The following ANO2 variants were observed in gnomAD, a reference collection of about 807,000 sequenced individuals.
ANO2 encodes the protein anoctamin 2, also known as anoctamin-2.
Under a neutral mutation model 124.2 loss-of-function variants are expected in ANO2, and 101 were observed. That is an observed-to-expected ratio of 0.81 (90% CI 0.69 to 0.96). The LOEUF is 0.96. Among genes scored for constraint, ANO2 ranks in the 40% least tolerant of loss-of-function variants. The pLI, the probability that ANO2 is intolerant of heterozygous loss-of-function variation, is 0.00. For synonymous variants in ANO2, 486 were observed against 482.5 expected, an observed-to-expected ratio of 1.01 and a Z score of -0.09; for missense variants, 1,293 against 1,274.5, an observed-to-expected ratio of 1.01 and a Z score of -0.22.
chr12:5,655,011 G>T (rs1177024715), intron 14 of ANO2, among the ~76,000 whole-genome samples: 2 of 152,096 alleles, frequency 1.3e-5, no homozygotes, highest in Non-Finnish European at 2.9e-5. Context: ...CCCCGTTGCT[G>T]CCTGGCCATA....
chr12:5,832,202 T>C lies in ANO2; in HGVS notation c.785+250A>G, dbSNP rs536340705. Among the ~76,000 whole-genome samples, 19 of 152,338 alleles carry C rather than the reference T, an allele frequency of 1.2e-4. 1 individual carries two copies. In the South Asian group the frequency reaches 3.5e-3, roughly 28 times the overall value. ...TGGCTGCTCCCTGGTTTGCCCTCCA[T>C]CCTGCAAAATGGTGAAATGGTGGAT... On this transcript the variant is annotated intron_variant, in intron 5 of 24. Coordinates refer to ENST00000682330, the MANE Select transcript of ANO2 (RefSeq NM_001364791.2).
At chr12:5,609,993 TTATA>T (rs1591726688) in intron 19 of ANO2, among the ~76,000 whole-genome samples, 1 of 141,082 alleles carries the variant, frequency 7.1e-6, no homozygotes, top group Admixed American at 7.2e-5. Flanking sequence ...ATTTATATAT[TTATA>T]TATAAGTATA....
chr12:5,818,458 T>G (rs1401182120), intron 7 of ANO2, among the ~76,000 whole-genome samples: 1 of 9,034 alleles, frequency 1.1e-4, no homozygotes, highest in African/African-American at 2.5e-4. Context: ...TATATATATA[T>G]ATATATATAT....
At chr12:5,795,445 C>A (rs1231349952) in intron 10 of ANO2, among the ~76,000 whole-genome samples, 3 of 152,174 alleles carry the variant, frequency 2.0e-5, no homozygotes, top group Non-Finnish European at 4.4e-5. Context: ...ACCATTACCC[C>A]TCTTCAGACT....
At chr12:5,659,779 G>T (rs767719902) in intron 14 of ANO2, among the ~76,000 whole-genome samples, 1 of 151,636 alleles carries the variant, frequency 6.6e-6, no homozygotes, top group Non-Finnish European at 1.5e-5. Flanking sequence ...TCGCTGCCTC[G>T]TCCTCCCTGG....
intron 3 of ANO2, among the ~76,000 whole-genome samples, chr12:5,917,558 C>CTT (rs1490593052): frequency 3.8e-5 from 4 of 104,406 alleles, no homozygotes. Flanking sequence ...TTATTATTCT[C>CTT]TTTTTTCTTT....
chr12:5,874,441 C>T (rs1315157932), intron 3 of ANO2, among the ~76,000 whole-genome samples: 1 of 152,238 alleles, frequency 6.6e-6, no homozygotes, highest in Non-Finnish European at 1.5e-5. Flanking sequence ...AACTCCAGAG[C>T]TGCAGGCTTC....
rs769386458 is a variant in ANO2, at chr12:5,615,346, T to G, written c.1817-49A>C. The G allele has an allele frequency of 3.5e-6, 5 of 1,427,542 alleles. No individual in the cohort carries two copies. The South Asian group carries it at 6.1e-5, about 17-fold the overall frequency. The allele number at this position is 1,427,542 out of a possible 1,614,324, so 88.4% of individuals were successfully genotyped here. On this transcript the variant is annotated intron_variant, in intron 16 of 24. Transcript: ENST00000682330. The stretch of plus-strand genomic sequence containing the variant: ...TGAGATTGGGGTGAGATTTCTCACC[T>G]CTCCAGAGTTTTGACCTAGACATGA...
intron 16 of ANO2, among the ~76,000 whole-genome samples, chr12:5,632,401 G>GT (rs1332368179): frequency 6.6e-6 from 1 of 151,868 alleles, no homozygotes; most frequent in Non-Finnish European, 1.5e-5. Flanking sequence ...TGGCCATGCA[G>GT]TTTTTGTGAA....
intron 14 of ANO2, among the ~76,000 whole-genome samples, chr12:5,664,657 T>C (rs1169491998): frequency 6.6e-6 from 1 of 152,226 alleles, no homozygotes; most frequent in Non-Finnish European, 1.5e-5. Context: ...TATGTTCTTT[T>C]AATCTCTTCT....
At chr12:5,768,229 C>A (rs1984478) in intron 10 of ANO2, among the ~76,000 whole-genome samples, 58,368 of 152,024 alleles carry the variant, frequency 0.38, 12,948 homozygotes, top group East Asian at 0.59. Context: ...CATGGTTTCA[C>A]CCCAAGGGCA....
At chr12:5,728,631 G>A (rs1325348763) in intron 14 of ANO2, among the ~76,000 whole-genome samples, 1 of 152,060 alleles carries the variant, frequency 6.6e-6, no homozygotes, top group African/African-American at 2.4e-5. Flanking sequence ...TATAGACATT[G>A]ACAAGTTAGT....
chr12:5,808,526 G>C (rs908775173), intron 7 of ANO2, among the ~76,000 whole-genome samples: 4 of 152,112 alleles, frequency 2.6e-5, no homozygotes, highest in African/African-American at 9.7e-5. Flanking sequence ...AATCATGGAG[G>C]GGGAGGAGAG....
intron 3 of ANO2, among the ~76,000 whole-genome samples, chr12:5,916,490 G>A (rs376888610): frequency 5.3e-5 from 4 of 74,802 alleles, no homozygotes; most frequent in African/African-American, 9.1e-5. Flanking sequence ...ATCGCAGCAG[G>A]TTAAAAAAAA....
At chr12:5,662,734 TC>T (rs2136975270) in intron 14 of ANO2, among the ~76,000 whole-genome samples, 1 of 152,310 alleles carries the variant, frequency 6.6e-6, no homozygotes, top group East Asian at 1.9e-4. Context: ...AACACTGAAC[TC>T]CCCTAGCACG....
intron 14 of ANO2, among the ~76,000 whole-genome samples, chr12:5,661,119 C>G (rs527788002): frequency 2.0e-5 from 3 of 152,202 alleles, no homozygotes; most frequent in African/African-American, 7.2e-5. Context: ...CTGCCTCTAG[C>G]GAGCAGGCCA....
intron 17 of ANO2, 38 bp from the exon 18 acceptor site, chr12:5,612,996 A>G: frequency 6.2e-7 from 1 of 1,608,040 alleles, no homozygotes; most frequent in Non-Finnish European, 8.5e-7. Flanking sequence ...AGGGGAAGAG[A>G]AAGCATGCAG....
At chr12:5,578,134 G>T in intron 21 of ANO2, 127 bp from the exon 22 acceptor site, 2 of 1,305,686 alleles carry the variant, frequency 1.5e-6, no homozygotes, top group Non-Finnish European at 1.1e-6. Flanking sequence ...CCCAGAATGG[G>T]CTTGTCTGGA....
At chr12:5,913,411 A>G (rs1366450845) in intron 3 of ANO2, among the ~76,000 whole-genome samples, 1 of 152,202 alleles carries the variant, frequency 6.6e-6, no homozygotes, top group Admixed American at 6.5e-5. Context: ...GGAGGGCAAA[A>G]AGCCCAGAGT....
Sources: allele counts gnomAD v4.1 joint callset (sites outside exome capture counted in the v4.1 genomes callset), GRCh38; gene constraint gnomAD v4.1.1; transcripts MANE v1.5; gene names NCBI Gene and HGNC (gene_info 2026-07-23, HGNC 2026-07-21).